Variants in DCC observed in about 807,000 individuals in gnomAD.
DCC encodes netrin receptor DCC.
Under a neutral mutation model 172.5 loss-of-function variants are expected in DCC, and 58 were observed. The ratio of observed to expected loss-of-function variants is 0.34; its 90% CI spans 0.27 to 0.42. The LOEUF is 0.42. Among genes scored for constraint, DCC ranks in the 10% least tolerant of loss-of-function variants. DCC has a pLI of 1.00. For synonymous variants in DCC, 709 were observed against 644.5 expected (o/e 1.10, Z -1.52); for missense variants, 1,740 against 1,791.0 (o/e 0.97, Z 0.51).
rs1371456694 is a variant in DCC at position 53,162,255 on chromosome 18, T to C, written c.1418+4743T>C. On this transcript the variant is annotated intron_variant, in intron 8 of 28. Transcript: ENST00000442544. ...TGGAGATGGCAGTGAGCCGAGATCGTGCTACTGCACCCCAGCTTGGGTGAC... is the reference window on the plus strand; with the variant it reads ...TGGAGATGGCAGTGAGCCGAGATCGCGCTACTGCACCCCAGCTTGGGTGAC... 6.3e-4 allele frequency among the ~76,000 whole-genome samples: 93 copies of C among 146,932 alleles called. 1 individual carries two copies. Among genetic ancestry groups the C allele is most frequent in the African/African-American group, 2.3e-3 (90 of 39,420 alleles).
intron 3 of DCC, among the ~76,000 whole-genome samples, chr18:52,912,834 GCCTTT>G (rs1223300739): frequency 6.6e-6 from 1 of 151,864 alleles, no homozygotes. Flanking sequence ...CCTCAACTCT[GCCTTT>G]ATAATCCTAG....
intron 27 of DCC, among the ~76,000 whole-genome samples, chr18:53,513,150 C>A (rs1287393716): frequency 6.6e-6 from 1 of 152,076 alleles, no homozygotes; most frequent in Non-Finnish European, 1.5e-5. Context: ...GAGTGGGGGC[C>A]AATATTCAAC....
At chr18:52,976,486 C>T (rs573119686) in intron 5 of DCC, among the ~76,000 whole-genome samples, 2 of 152,230 alleles carry the variant, frequency 1.3e-5, no homozygotes, top group Admixed American at 6.5e-5. Context: ...TTCATTTAAC[C>T]TTAGCTAGCT....
intron 5 of DCC, among the ~76,000 whole-genome samples, chr18:52,993,372 G>T (rs1165840921): frequency 1.3e-5 from 2 of 152,114 alleles, no homozygotes; most frequent in Non-Finnish European, 2.9e-5. Flanking sequence ...AGAAAGTATA[G>T]GAGGAGCACA....
chr18:53,422,367 C>T (rs1238522344), intron 21 of DCC, among the ~76,000 whole-genome samples: 1 of 152,134 alleles, frequency 6.6e-6, no homozygotes, highest in African/African-American at 2.4e-5. Context: ...CAAATACCTT[C>T]TTCGCTCAGA....
chr18:52,667,649 G>T (rs547804763), intron 1 of DCC, among the ~76,000 whole-genome samples: 1 of 152,268 alleles, frequency 6.6e-6, no homozygotes, highest in African/African-American at 2.4e-5. Context: ...TGAATAATTG[G>T]GATCCAGTCA....
At chr18:52,855,609 T>A (rs970229131) in intron 2 of DCC, among the ~76,000 whole-genome samples, 3 of 152,202 alleles carry the variant, frequency 2.0e-5, no homozygotes, top group Non-Finnish European at 4.4e-5. Context: ...AGCTTCAGTT[T>A]TCTTATTTGT....
At chr18:52,386,323 T>C (rs775069990) in intron 1 of DCC, among the ~76,000 whole-genome samples, 1 of 152,122 alleles carries the variant, frequency 6.6e-6, no homozygotes. Context: ...TTTAAGATCT[T>C]AACAAAGATA....
In DCC at chr18:53,106,197, C is replaced by A. The variant is rs187195873; in HGVS notation, c.1261+40031C>A. Among the ~76,000 whole-genome samples the A allele has an allele frequency of 1.8e-4, 27 of 151,926 alleles. No homozygotes were observed. The East Asian group carries it at 4.9e-3, about 28-fold the overall frequency. ...TTGATGGGTTAAGACTCAAAGGAGG[C>A]GTCTTATTTCCCATTGCTGCCTAAC... On this transcript the variant is annotated intron_variant, in intron 7 of 28. Coordinates refer to ENST00000442544, the MANE Select transcript of DCC (RefSeq NM_005215.4).
intron 2 of DCC, among the ~76,000 whole-genome samples, chr18:52,842,166 C>G (rs1368178354): frequency 1.3e-5 from 2 of 152,084 alleles, no homozygotes; most frequent in Admixed American, 6.6e-5. Flanking sequence ...TGCTTCCTTT[C>G]AAACATAATT....
chr18:53,494,523 A>G (rs2045996485), intron 26 of DCC, among the ~76,000 whole-genome samples: 1 of 152,212 alleles, frequency 6.6e-6, no homozygotes. Flanking sequence ...CATTTAGGAT[A>G]CTTAGCTCTT....
chr18:53,012,011 C>A (rs1027442702), intron 5 of DCC, among the ~76,000 whole-genome samples: 1 of 151,730 alleles, frequency 6.6e-6, no homozygotes, highest in African/African-American at 2.4e-5. Context: ...AGGCACCCAC[C>A]AGATTATTTA....
intron 22 of DCC, among the ~76,000 whole-genome samples, chr18:53,442,559 G>C (rs984698744): frequency 6.6e-6 from 1 of 152,114 alleles, no homozygotes; most frequent in South Asian, 2.1e-4. Flanking sequence ...GAAATTAGGC[G>C]AATTAATAAC....
chr18:53,276,684 A>T (rs1322998886), intron 12 of DCC, among the ~76,000 whole-genome samples: 2 of 152,204 alleles, frequency 1.3e-5, no homozygotes, highest in Non-Finnish European at 2.9e-5. Context: ...TCTAGAAAGT[A>T]AAATCCAAGG....
chr18:52,496,444 A>T (rs1291491858), intron 1 of DCC, among the ~76,000 whole-genome samples: 1 of 152,186 alleles, frequency 6.6e-6, no homozygotes, highest in East Asian at 1.9e-4. Flanking sequence ...AAAACATCAG[A>T]AAAGTTATTC....
intron 25 of DCC, among the ~76,000 whole-genome samples, chr18:53,485,517 G>A (rs181414381): frequency 6.6e-6 from 1 of 152,128 alleles, no homozygotes; most frequent in Admixed American, 6.5e-5. Flanking sequence ...CATTTAATCT[G>A]ATTAGCAGAG....
chr18:53,380,903 T>G (rs1329486276), intron 15 of DCC, among the ~76,000 whole-genome samples: 1 of 152,202 alleles, frequency 6.6e-6, no homozygotes, highest in Non-Finnish European at 1.5e-5. Context: ...CTCTAAGATG[T>G]GCACAGCATA....
At chr18:52,788,592 G>GC (rs1311475036) in intron 2 of DCC, among the ~76,000 whole-genome samples, 1 of 152,108 alleles carries the variant, frequency 6.6e-6, no homozygotes, top group Admixed American at 6.5e-5. Flanking sequence ...TATTTTAAGT[G>GC]CTTATTTTTC....
chr18:52,484,097 G>A (rs1358439742), intron 1 of DCC, among the ~76,000 whole-genome samples: 1 of 152,040 alleles, frequency 6.6e-6, no homozygotes, highest in African/African-American at 2.4e-5. Flanking sequence ...TTAAACTTAT[G>A]TGAATGGGCT....
Sources: allele counts gnomAD v4.1 joint callset (sites outside exome capture counted in the v4.1 genomes callset), GRCh38; gene constraint gnomAD v4.1.1; transcripts MANE v1.5; gene names NCBI Gene and HGNC (gene_info 2026-07-23, HGNC 2026-07-21).